Variants in TBCD observed in about 807,000 individuals in gnomAD.
The protein encoded by TBCD is tubulin folding cofactor D, also known as tubulin-specific chaperone D.
TBCD carries 105 observed loss-of-function variants against 169.3 expected under a neutral mutation model. The ratio of observed to expected loss-of-function variants is 0.62; its 90% CI spans 0.53 to 0.73. The LOEUF (loss-of-function observed/expected upper bound fraction) is 0.73, where lower values mean the gene tolerates loss of function less well. Ranked by LOEUF, TBCD falls within the 30% of genes least tolerant of loss-of-function variation. TBCD has a pLI of 0.00. For synonymous variants in TBCD, 700 were observed against 643.9 expected, an observed-to-expected ratio of 1.09 and a Z score of -1.32; for missense variants, 1,444 against 1,600.1, an observed-to-expected ratio of 0.90 and a Z score of 1.66.
intron 13 of TBCD, among the ~76,000 whole-genome samples, chr17:82,855,182 G>A (rs1052457944): frequency 4.1e-5 from 6 of 145,670 alleles, no homozygotes; most frequent in African/African-American, 1.5e-4. Flanking sequence ...CCTATGCGGT[G>A]CCACCTGATG....
chr17:82,784,662 T>G (rs1413964997), intron 7 of TBCD, among the ~76,000 whole-genome samples: 1 of 152,168 alleles, frequency 6.6e-6, no homozygotes, highest in Non-Finnish European at 1.5e-5. Flanking sequence ...GTGGCCAGGG[T>G]GGGGGTCCTG....
Position 82,763,993 on chromosome 17 carries a change from A to G in TBCD, c.264A>G (p.Ile88Met). ...GGATGATGAACTTGTTGTTGGACAT[A>G]GTGCAAGATCAGACATCTCCAGCTT... is the stretch of plus-strand genomic sequence containing the variant. ...LEWMMNLLLD[I>M]VQDQTSPASL... The change falls in exon 3 of 39, where the codon ATA becomes ATG. Residue 88 changes from isoleucine (I) to methionine (M), a missense_variant. Ile to Met is a conservative substitution (Grantham distance 10). Transcript: ENST00000355528. 6.2e-7 allele frequency: 1 copy of G among 1,613,904 alleles called. No individual in the cohort carries two copies. Among genetic ancestry groups the G allele is most frequent in the Non-Finnish European group, 8.5e-7 (1 of 1,179,826 alleles).
At chr17:82,783,910 A>G (rs2049121349) in intron 7 of TBCD, among the ~76,000 whole-genome samples, 1 of 152,162 alleles carries the variant, frequency 6.6e-6, no homozygotes. Flanking sequence ...AGATTACTTG[A>G]GGTCGGGAGT....
chr17:82,809,699 C>T lies in TBCD; in HGVS notation c.1149-9C>T. 1.9e-6 allele frequency: 3 copies of T among 1,612,594 alleles called. No homozygotes were observed. Among genetic ancestry groups the T allele is most frequent in the Non-Finnish European group, 2.5e-6 (3 of 1,179,300 alleles). On this transcript the variant is annotated splice_polypyrimidine_tract_variant and intron_variant, in intron 11 of 38. Coordinates refer to ENST00000355528, the MANE Select transcript of TBCD (RefSeq NM_005993.5). ...GTGCCCCTGACGGATTGCTGCGTTT[C>T]TCTTTCAGCATCGGTAGGATGGCTG...
chr17:82,811,674 C>G (rs1002642471), intron 12 of TBCD, among the ~76,000 whole-genome samples: 3 of 152,182 alleles, frequency 2.0e-5, no homozygotes, highest in African/African-American at 7.2e-5. Flanking sequence ...CCTGCTTTCC[C>G]TTTCGCTGGG....
At chr17:82,908,318 C>T in intron 21 of TBCD, 1 of 456,872 alleles carries the variant, frequency 2.2e-6, no homozygotes, top group Non-Finnish European at 4.4e-6. Context: ...CAGCTGGGGT[C>T]TGATGTCTCC....
intron 14 of TBCD, among the ~76,000 whole-genome samples, chr17:82,881,180 C>A (rs1164972915): frequency 6.6e-6 from 1 of 152,204 alleles, no homozygotes; most frequent in Non-Finnish European, 1.5e-5. Context: ...ACGCTGGGGT[C>A]TCTCTCGGCC....
At chr17:82,906,129 G>A in intron 20 of TBCD, 76 bp downstream of exon 20, 1 of 1,133,876 alleles carries the variant, frequency 8.8e-7, no homozygotes, top group Non-Finnish European at 1.3e-6. Context: ...GTGCTCTCCA[G>A]TTCGAGACTC....
chr17:82,900,769 T>A, intron 18 of TBCD, 38 bp downstream of exon 18: 1 of 1,500,636 alleles, frequency 6.7e-7, no homozygotes, highest in Non-Finnish European at 9.3e-7. Context: ...GAGCTTTTTT[T>A]CCCCCCAAAG....
At chr17:82,830,157 C>T (rs762665211) in intron 13 of TBCD, 43 of 1,613,828 alleles carry the variant, frequency 2.7e-5, no homozygotes, top group Non-Finnish European at 3.4e-5. Flanking sequence ...ACACCCGGGC[C>T]CTCCTTCGTA....
chr17:82,906,958 C>T (rs1022348875), intron 20 of TBCD, among the ~76,000 whole-genome samples: 6 of 152,330 alleles, frequency 3.9e-5, no homozygotes, highest in South Asian at 2.1e-4. Context: ...GTCCTCCAGT[C>T]GGGTCCCACA....
intron 13 of TBCD, chr17:82,860,474 G>A: frequency 3.1e-6 from 3 of 980,306 alleles, no homozygotes; most frequent in Non-Finnish European, 3.6e-6. Context: ...CAATGACAGT[G>A]GCTCAGGAGA....
At chr17:82,869,976 G>T (rs75273598) in intron 13 of TBCD, among the ~76,000 whole-genome samples, 3,757 of 152,160 alleles carry the variant, frequency 0.025, 177 homozygotes, top group African/African-American at 0.086. Flanking sequence ...TTGCTTCATG[G>T]CACTTGAAAA....
chr17:82,798,688 C>T (rs796697642), intron 8 of TBCD, among the ~76,000 whole-genome samples: 8 of 152,326 alleles, frequency 5.3e-5, no homozygotes, highest in African/African-American at 1.9e-4. Flanking sequence ...TCTTGGGGCC[C>T]AGGAGCAGCC....
At chr17:82,894,268 GTTATC>G (rs893223876) in intron 17 of TBCD, among the ~76,000 whole-genome samples, 3 of 152,180 alleles carry the variant, frequency 2.0e-5, no homozygotes, top group African/African-American at 7.2e-5. Context: ...GGTTACTTCA[GTTATC>G]TTAGTTGATC....
chr17:82,930,828 C>T lies in TBCD; in HGVS notation c.3113+185C>T, dbSNP rs1350803241. 6.6e-6 allele frequency among the ~76,000 whole-genome samples: 1 copy of T among 152,210 alleles called. No individual in the cohort carries two copies. Among genetic ancestry groups the T allele is most frequent in the Non-Finnish European group, 1.5e-5 (1 of 68,032 alleles). ...TGCAGCATATGGTTCTCCGGGCGGC[C>T]AGGCCTCAGCCCCTGCGCCTCCTCT... On this transcript the variant is annotated intron_variant, in intron 33 of 38. Transcript: ENST00000355528. This position sits in a 1 kb window ranked among gnomAD's most constrained non-coding sequence, Gnocchi z 5.2.
chr17:82,856,870 G>A (rs1453703512), intron 13 of TBCD, among the ~76,000 whole-genome samples: 1 of 141,528 alleles, frequency 7.1e-6, no homozygotes, highest in African/African-American at 2.8e-5. Context: ...GCTGGACCGC[G>A]TGCGGACCCT....
chr17:82,933,652 C>G (rs549111480), intron 34 of TBCD, among the ~76,000 whole-genome samples: 36 of 152,072 alleles, frequency 2.4e-4, no homozygotes, highest in African/African-American at 8.2e-4. Flanking sequence ...GAGTCTTGCT[C>G]TGTTGCCCAG....
rs866730971 is a variant in TBCD, at chr17:82,789,991, C to T, written c.772-7766C>T. On this transcript the variant is annotated intron_variant, in intron 7 of 38. Transcript: ENST00000355528. This position sits in a 1 kb window ranked among gnomAD's most constrained non-coding sequence, Gnocchi z 4.8. Reference sequence around the variant, plus strand: ...CCTCCCGCTGTCCGCTCACACCTGCCTGTGTGGACGTGGCTCTGACATGTC... The same window carrying T: ...CCTCCCGCTGTCCGCTCACACCTGCTTGTGTGGACGTGGCTCTGACATGTC... Among the ~76,000 whole-genome samples the T allele has an allele frequency of 4.3e-4, 66 of 151,972 alleles. No individual in the cohort carries two copies. The highest frequency in any genetic ancestry group is 6.8e-3 in the Middle Eastern group (2 of 294).
Sources: gnomAD v4.1 joint callset for allele counts (sites outside exome capture counted in the v4.1 genomes callset) on GRCh38, gnomAD v4.1.1 for gene constraint, Gnocchi (gnomAD v3.1) non-coding constraint, MANE v1.5 for transcripts, NCBI Gene and HGNC (gene_info 2026-07-23, HGNC 2026-07-21) for gene names.